Variants in ATG7 observed in about 807,000 individuals in gnomAD.
The protein encoded by ATG7 is autophagy related 7.
ATG7 carries 70 observed loss-of-function variants against 82.4 expected under a neutral mutation model. The observed-to-expected ratio is 0.85, with a 90% confidence interval of 0.70 to 1.04. The LOEUF (loss-of-function observed/expected upper bound fraction) is 1.04, where lower values mean the gene tolerates loss of function less well. Ranked by LOEUF, ATG7 falls within the 50% of genes least tolerant of loss-of-function variation. The pLI is 0.00. For missense variants in ATG7, 792 were observed against 864.3 expected (o/e 0.92, Z 1.05); for synonymous variants, 287 against 313.0 (o/e 0.92, Z 0.88).
At chr3:11,559,582 C>T, downstream of ATG7, 1 of 1,347,850 alleles carries the variant, frequency 7.4e-7, no homozygotes, top group Non-Finnish European at 9.8e-7. Flanking sequence ...CCACCTCCCA[C>T]TTCAATACTG....
At chr3:11,420,913 G>C (rs2081886460) in intron 19 of ATG7, among the ~76,000 whole-genome samples, 2 of 151,888 alleles carry the variant, frequency 1.3e-5, no homozygotes, top group African/African-American at 4.8e-5. Flanking sequence ...ATGCCACCTT[G>C]TCCGGCTAAT....
At chr3:11,404,260 C>G (rs921774007) in intron 19 of ATG7, among the ~76,000 whole-genome samples, 1 of 151,464 alleles carries the variant, frequency 6.6e-6, no homozygotes, top group South Asian at 2.1e-4. Flanking sequence ...CTCAGCCTCC[C>G]GAGTAGCTGG....
At chr3:11,424,683 A>T (rs957836261) in intron 19 of ATG7, among the ~76,000 whole-genome samples, 4 of 152,146 alleles carry the variant, frequency 2.6e-5, no homozygotes, top group African/African-American at 7.2e-5. Context: ...ATGCACATGG[A>T]TTTAAAAGTT....
chr3:11,518,419 C>T (rs887723996), intron 20 of ATG7, among the ~76,000 whole-genome samples: 3 of 151,954 alleles, frequency 2.0e-5, no homozygotes, highest in Non-Finnish European at 2.9e-5. Flanking sequence ...TGGTGGCATG[C>T]GCCTATAGTC....
intron 19 of ATG7, among the ~76,000 whole-genome samples, chr3:11,387,752 C>T (rs188340387): frequency 1.4e-4 from 21 of 151,892 alleles, no homozygotes; most frequent in Admixed American, 1.4e-3. Context: ...AGGCGGATCA[C>T]GAGGTCAGGA....
At chr3:11,456,173 ATGACT>A (rs2085691742) in intron 20 of ATG7, among the ~76,000 whole-genome samples, 2 of 152,194 alleles carry the variant, frequency 1.3e-5, no homozygotes, top group African/African-American at 4.8e-5. Context: ...ACCCTGAGCG[ATGACT>A]AATCTTTCGT....
intron 20 of ATG7, among the ~76,000 whole-genome samples, chr3:11,454,054 C>T (rs2085461950): frequency 6.6e-6 from 1 of 152,144 alleles, no homozygotes; most frequent in Admixed American, 6.5e-5. Context: ...TTTAGATAGT[C>T]TTTTCTTCTG....
chr3:11,283,748 G>A (rs1440563720), intron 3 of ATG7, among the ~76,000 whole-genome samples: 1 of 151,918 alleles, frequency 6.6e-6, no homozygotes, highest in Non-Finnish European at 1.5e-5. Flanking sequence ...GACCAGCCTG[G>A]CCAACAAAGC....
At chr3:11,411,619 C>CAAAAAAA (rs71055868) in intron 19 of ATG7, among the ~76,000 whole-genome samples, 4,884 of 71,388 alleles carry the variant, frequency 0.068, 662 homozygotes, top group East Asian at 0.11. Flanking sequence ...ACTCTGTCTC[C>CAAAAAAA]AAAAAAAAAA....
intron 14 of ATG7, among the ~76,000 whole-genome samples, chr3:11,351,111 GT>G (rs1280626529): frequency 1.3e-5 from 2 of 151,956 alleles, no homozygotes; most frequent in East Asian, 3.9e-4. Context: ...CCTTCCCACT[GT>G]TTATTTGTTT....
intron 19 of ATG7, among the ~76,000 whole-genome samples, chr3:11,404,086 A>C (rs1157083763): frequency 7.1e-6 from 1 of 141,330 alleles, no homozygotes; most frequent in East Asian, 2.1e-4. Flanking sequence ...CCATTTAAAC[A>C]TTTTGATTTT....
At chr3:11,464,391 A>AT (rs57284636) in intron 20 of ATG7, among the ~76,000 whole-genome samples, 2 of 152,240 alleles carry the variant, frequency 1.3e-5, no homozygotes, top group Non-Finnish European at 2.9e-5. Flanking sequence ...AAATTAAAAA[A>AT]TTATGTATTC....
chr3:11,276,031 CT>C (rs1298620253), intron 1 of ATG7, among the ~76,000 whole-genome samples: 6 of 152,204 alleles, frequency 3.9e-5, no homozygotes, highest in African/African-American at 1.4e-4. Context: ...ACACATTGTG[CT>C]TTTGACACTA....
At chr3:11,325,397 C>T (rs892183055) in intron 9 of ATG7, among the ~76,000 whole-genome samples, 13 of 152,056 alleles carry the variant, frequency 8.5e-5, no homozygotes, top group South Asian at 2.1e-4. Context: ...ATAGGCCAGG[C>T]GTGGTGGCTC....
At position 11,554,890 on chromosome 3, in the gene ATG7, A is replaced by C; in HGVS notation, c.*47A>C. On this transcript the variant is annotated 3_prime_UTR_variant, in exon 21 of 21. Transcript: ENST00000693202. ...ACTTCTCCCCGGCCGCCTGCTGAGG[A>C]GCTCTCCATCGCCAGAGCAGGACTG... The C allele has an allele frequency of 6.2e-7, 1 of 1,602,998 alleles. No homozygotes were observed. Among genetic ancestry groups the C allele is most frequent in the Non-Finnish European group, 8.5e-7 (1 of 1,175,776 alleles).
At chr3:11,511,140 C>T (rs1385268137) in intron 20 of ATG7, among the ~76,000 whole-genome samples, 2 of 152,230 alleles carry the variant, frequency 1.3e-5, no homozygotes, top group South Asian at 2.1e-4. Flanking sequence ...TTGCAAAGAG[C>T]AAAAGAACAA....
At chr3:11,326,650 A>G (rs1950925035) in intron 9 of ATG7, among the ~76,000 whole-genome samples, 1 of 152,206 alleles carries the variant, frequency 6.6e-6, no homozygotes, top group Non-Finnish European at 1.5e-5. Context: ...TGAAGCGACG[A>G]TTGCTAAATA....
chr3:11,353,955 G>A (rs1450585926), intron 14 of ATG7, among the ~76,000 whole-genome samples: 2 of 152,246 alleles, frequency 1.3e-5, no homozygotes, highest in Non-Finnish European at 2.9e-5. Context: ...TCTTCTGGGT[G>A]ACAGACTTCA....
At chr3:11,467,427 A>T (rs994955893) in intron 20 of ATG7, among the ~76,000 whole-genome samples, 1 of 152,196 alleles carries the variant, frequency 6.6e-6, no homozygotes, top group Non-Finnish European at 1.5e-5. Flanking sequence ...CCCAGGCTGC[A>T]GTGCAATGGT....
Sources: allele counts gnomAD v4.1 joint callset (sites outside exome capture counted in the v4.1 genomes callset), GRCh38; gene constraint gnomAD v4.1.1; transcripts MANE v1.5; gene names NCBI Gene and HGNC (gene_info 2026-07-23, HGNC 2026-07-21).